CFH: variants seen among roughly 807,000 people sequenced by gnomAD.
CFH encodes H factor 1 (complement).
Under a neutral mutation model 147.3 loss-of-function variants are expected in CFH, and 53 were observed. That is an observed-to-expected ratio of 0.36 (90% CI 0.29 to 0.45). The LOEUF is 0.45. Ranked by LOEUF, CFH falls within the 20% of genes least tolerant of loss-of-function variation. The probability of loss-of-function intolerance (pLI) is 1.00; values close to 1 mark genes in which losing one functional copy is unlikely to be tolerated. For missense variants in CFH, 1,380 were observed against 1,498.0 expected, an observed-to-expected ratio of 0.92 and a Z score of 1.30; for synonymous variants, 536 against 489.4, an observed-to-expected ratio of 1.10 and a Z score of -1.26.
chr1:196,660,189 G>A (rs893893033), intron 1 of CFH, among the ~76,000 whole-genome samples: 13 of 152,124 alleles, frequency 8.5e-5, no homozygotes, highest in Admixed American at 2.6e-4. Context: ...GAAATCTGTC[G>A]TAAAATTATT....
At chr1:196,679,300 G>T (rs551534319) in intron 5 of CFH, 23 of 191,508 alleles carry the variant, frequency 1.2e-4, no homozygotes, top group Non-Finnish European at 2.1e-4. Context: ...GTTATTTTTT[G>T]CAGGTCATTC....
intron 1 of CFH, 140 bp downstream of exon 1, chr1:196,652,315 T>G (rs1317105701): frequency 1.6e-6 from 1 of 631,128 alleles, no homozygotes; most frequent in Non-Finnish European, 2.8e-6. Flanking sequence ...GCTTTTGACA[T>G]TGTTGAGTTT....
intron 9 of CFH, chr1:196,701,258 G>C (rs1573042352): frequency 1.2e-6 from 2 of 1,611,638 alleles, no homozygotes; most frequent in Non-Finnish European, 1.7e-6. Flanking sequence ...TGAAGGAGTT[G>C]CTAGTGGAAT....
intron 6 of CFH, among the ~76,000 whole-genome samples, chr1:196,682,342 T>G (rs1163786785): frequency 6.6e-6 from 1 of 151,302 alleles, no homozygotes; most frequent in Non-Finnish European, 1.5e-5. Flanking sequence ...TCAAGTATTG[T>G]TTTGGATAAA....
chr1:196,691,866 G>T (rs891876912), intron 9 of CFH, among the ~76,000 whole-genome samples: 26 of 151,770 alleles, frequency 1.7e-4, no homozygotes, highest in Non-Finnish European at 2.8e-4. Flanking sequence ...AAAGTTATAA[G>T]TTACCTTTTC....
chr1:196,699,644 G>T (rs1668392574), intron 9 of CFH, among the ~76,000 whole-genome samples: 2 of 152,096 alleles, frequency 1.3e-5, no homozygotes, highest in Admixed American at 6.6e-5. Flanking sequence ...TTTACACTTA[G>T]TTATATGAGT....
intron 1 of CFH, among the ~76,000 whole-genome samples, chr1:196,656,573 A>G (rs1200291873): frequency 6.6e-6 from 1 of 152,130 alleles, no homozygotes; most frequent in Non-Finnish European, 1.5e-5. Flanking sequence ...GATATAATGG[A>G]AAGGCTTCCA....
chr1:196,724,785 T>C (rs1032372600), intron 11 of CFH, among the ~76,000 whole-genome samples: 11 of 152,202 alleles, frequency 7.2e-5, no homozygotes, highest in Non-Finnish European at 1.6e-4. Flanking sequence ...TTTTCTTTTT[T>C]AATATGAGAG....
intron 1 of CFH, among the ~76,000 whole-genome samples, chr1:196,656,812 A>T (rs1666710573): frequency 6.6e-6 from 1 of 152,128 alleles, no homozygotes; most frequent in Admixed American, 6.5e-5. Context: ...CATTTCAAGA[A>T]AGTTGTGGAA....
intron 15 of CFH, among the ~76,000 whole-genome samples, chr1:196,728,773 A>G (rs1047114024): frequency 4.0e-5 from 6 of 151,602 alleles, no homozygotes; most frequent in Non-Finnish European, 7.4e-5. Context: ...ACCAGGCACT[A>G]CATGTCATCA....
chr1:196,673,281 T>C, intron 2 of CFH, 118 bp downstream of exon 2: 2 of 989,742 alleles, frequency 2.0e-6, no homozygotes, highest in Non-Finnish European at 3.1e-6. Context: ...TACAAAATAA[T>C]ACATAATCTT....
intron 15 of CFH, among the ~76,000 whole-genome samples, chr1:196,734,739 T>C (rs1385103981): frequency 6.6e-6 from 1 of 151,834 alleles, no homozygotes; most frequent in Non-Finnish European, 1.5e-5. Flanking sequence ...TATTGATCAT[T>C]TTTTAAATCT....
At position 196,736,993 on chromosome 1, in the gene CFH, A is replaced by G. The variant is rs751859818; in HGVS notation, c.2583A>G (p.Ile861Met). 2 of 1,609,930 alleles carry G rather than the reference A, an allele frequency of 1.2e-6. No homozygotes were observed. Among genetic ancestry groups the G allele is most frequent in the African/African-American group, 1.3e-5 (1 of 74,904 alleles). ...ITCKDGRWQSIPLCVEKIPCS... is the reference protein window; with the variant it reads ...ITCKDGRWQSMPLCVEKIPCS... ...GCAAAGATGGAAGATGGCAGTCAAT[A>G]CCACTCTGTGTTGGTCAGTAGTGTA... Residue 861 changes from isoleucine (I) to methionine (M), a missense_variant, in exon 16 of 22, where the codon ATA becomes ATG. By Grantham distance (10) the Ile-to-Met change is conservative. This residue lies in a region of CFH where 830 missense variants were observed against 821.4 expected (regional missense o/e 1.01). Transcript: ENST00000367429.
At chr1:196,670,435 C>G (rs1055554145) in intron 1 of CFH, among the ~76,000 whole-genome samples, 1 of 152,092 alleles carries the variant, frequency 6.6e-6, no homozygotes, top group African/African-American at 2.4e-5. Flanking sequence ...AGGGAAGGAC[C>G]CAGTGGGACG....
chr1:196,727,141 A>C lies in CFH; in HGVS notation c.2236+201A>C, dbSNP rs569368197. Among the ~76,000 whole-genome samples the C allele has an allele frequency of 2.0e-5, 3 of 152,282 alleles. No individual in the cohort carries two copies. The South Asian group carries it at 6.2e-4, about 32-fold the overall frequency. ...ATAAAGCTAGTAATATAATTTTATGAATCTTTCTGCGTCTGATAACAGTAT... is the reference window on the plus strand; with the variant it reads ...ATAAAGCTAGTAATATAATTTTATGCATCTTTCTGCGTCTGATAACAGTAT... On this transcript the variant is annotated intron_variant, in intron 14 of 21. Coordinates refer to ENST00000367429, the MANE Select transcript of CFH (RefSeq NM_000186.4).
intron 7 of CFH, among the ~76,000 whole-genome samples, chr1:196,687,184 T>C (rs1375221322): frequency 2.6e-5 from 4 of 152,114 alleles, no homozygotes; most frequent in African/African-American, 9.7e-5. Context: ...GTGAATATTT[T>C]TATCAATTTT....
At chr1:196,701,290 T>C (rs1668441211) in intron 9 of CFH, 1 of 1,613,732 alleles carries the variant, frequency 6.2e-7, no homozygotes, top group Non-Finnish European at 8.5e-7. Context: ...TAACTCAGGG[T>C]AATCATCTGC....
intron 15 of CFH, among the ~76,000 whole-genome samples, chr1:196,733,690 C>T (rs968598710): frequency 5.9e-5 from 9 of 152,004 alleles, no homozygotes; most frequent in African/African-American, 2.2e-4. Flanking sequence ...CTTTAGAATA[C>T]AGTCCCTGAA....
intron 1 of CFH, among the ~76,000 whole-genome samples, chr1:196,658,972 G>GT (rs1666812325): frequency 1.3e-5 from 2 of 152,152 alleles, no homozygotes; most frequent in South Asian, 2.1e-4. Flanking sequence ...ACTTGTAAAC[G>GT]TAAGATGAAG....
Sources: gnomAD v4.1 joint callset for allele counts (sites outside exome capture counted in the v4.1 genomes callset) on GRCh38, gnomAD v4.1.1 for gene constraint, gnomAD v4.1.1 regional missense constraint, MANE v1.5 for transcripts, NCBI Gene and HGNC (gene_info 2026-07-23, HGNC 2026-07-21) for gene names.